The following MRPL27 variants were observed in gnomAD, a reference collection of about 807,000 sequenced individuals.
MRPL27 encodes mitochondrial ribosomal protein L27, also known as large ribosomal subunit protein bL27m.
Under a neutral mutation model 14.6 loss-of-function variants are expected in MRPL27, and 4 were observed. The ratio of observed to expected loss-of-function variants is 0.27; its 90% confidence interval spans 0.14 to 0.63. The LOEUF is 0.63. MRPL27 is among the 20% of genes least tolerant of loss of function. The pLI is 0.85. For missense variants in MRPL27, 196 were observed against 192.8 expected (o/e 1.02, Z -0.10); for synonymous variants, 82 against 75.5 (o/e 1.09, Z -0.45).
chr17:50,370,020 G>T lies in MRPL27; in HGVS notation c.240+12C>A. The T allele has an allele frequency of 6.2e-7, 1 of 1,613,848 alleles. No homozygotes were observed. Among genetic ancestry groups the T allele is most frequent in the East Asian group, 2.2e-5 (1 of 44,870 alleles). On this transcript the variant is annotated intron_variant, in intron 3 of 3. Transcript: ENST00000225969. Reference sequence around the variant, plus strand: ...GAAAAGGAAAAAGGGGGGCAGCAACGGAGCAACTCACATGGGCACCTGGGT... The same window carrying T: ...GAAAAGGAAAAAGGGGGGCAGCAACTGAGCAACTCACATGGGCACCTGGGT...
chr17:50,372,918 G>C (rs1598358498), intron 1 of MRPL27: 2 of 632,822 alleles, frequency 3.2e-6, no homozygotes, highest in Non-Finnish European at 5.4e-6. Flanking sequence ...TGAGGCAGGA[G>C]AAAGACAAGT....
chr17:50,371,974 C>CTCTG (rs1429137771), intron 1 of MRPL27, among the ~76,000 whole-genome samples: 2 of 152,198 alleles, frequency 1.3e-5, no homozygotes, highest in Non-Finnish European at 2.9e-5. Context: ...CTTTGCTGTC[C>CTCTG]TCACATATTG....
chr17:50,371,909 A>G (rs11868055), intron 1 of MRPL27, among the ~76,000 whole-genome samples: 78,088 of 151,992 alleles, frequency 0.51, 21,456 homozygotes, highest in African/African-American at 0.68. Flanking sequence ...AGTAAATGGT[A>G]CCACCATTCA....
chr17:50,370,240 T>A, intron 2 of MRPL27, 141 bp from the exon 3 acceptor site: 2 of 1,138,414 alleles, frequency 1.8e-6, no homozygotes, highest in Non-Finnish European at 2.5e-6. Context: ...CAGCGCAGGA[T>A]CTGCCACCCA....
At chr17:50,372,905 TGC>T in intron 1 of MRPL27, 1 of 605,208 alleles carries the variant, frequency 1.7e-6, no homozygotes. Context: ...CCGTCCGTGC[TGC>T]TGAGGCAGGA....
At chr17:50,368,787 G>A (rs1055079719) in intron 3 of MRPL27, 32 of 697,244 alleles carry the variant, frequency 4.6e-5, no homozygotes, top group Non-Finnish European at 7.8e-5. Context: ...TACTGCATTA[G>A]CTAATACCCA....
chr17:50,373,098 C>T (rs149938290), intron 1 of MRPL27, 33 bp downstream of exon 1: 9 of 1,613,836 alleles, frequency 5.6e-6, no homozygotes, highest in South Asian at 4.4e-5. Flanking sequence ...TGCCTCCCCG[C>T]CTCACCCCGC....
rs761887710 is a variant in MRPL27, at chr17:50,370,131, C to T, written c.173-32G>A. ...GAGAAGTCCACAGTGACTGGGGCAG[C>T]ATAGCAAACTACCAAGAAAACATGA... is the stretch of plus-strand genomic sequence containing the variant. On this transcript the variant is annotated intron_variant, in intron 2 of 3. Transcript: ENST00000225969. 3 of 1,578,472 alleles carry T rather than the reference C, an allele frequency of 1.9e-6. No individual in the cohort carries two copies. In the South Asian group the frequency reaches 3.4e-5, roughly 18 times the overall value.
intron 1 of MRPL27, among the ~76,000 whole-genome samples, chr17:50,371,476 G>A (rs1253953787): frequency 6.6e-6 from 1 of 152,200 alleles, no homozygotes; most frequent in Non-Finnish European, 1.5e-5. Flanking sequence ...GTGCTCAATA[G>A]CATTCATTTG....
At chr17:50,371,474 T>C (rs542747660) in intron 1 of MRPL27, among the ~76,000 whole-genome samples, 2 of 152,306 alleles carry the variant, frequency 1.3e-5, no homozygotes, top group African/African-American at 4.8e-5. Flanking sequence ...AAGTGCTCAA[T>C]AGCATTCATT....
chr17:50,369,021 A>G, intron 3 of MRPL27: 1 of 611,564 alleles, frequency 1.6e-6, no homozygotes, highest in Non-Finnish European at 2.9e-6. Flanking sequence ...CTCTCTGATT[A>G]AAAGAATGGG....
At chr17:50,372,832 T>C (rs1017454657) in intron 1 of MRPL27, 6 of 460,892 alleles carry the variant, frequency 1.3e-5, no homozygotes, top group Non-Finnish European at 1.9e-5. Context: ...AACCCCAATA[T>C]GCCAATGTTA....
At chr17:50,368,624 T>G in intron 3 of MRPL27, 1 of 592,268 alleles carries the variant, frequency 1.7e-6, no homozygotes, top group East Asian at 2.8e-5. Context: ...GCCCTAAATC[T>G]TCACTTAGAC....
intron 1 of MRPL27, 144 bp from the exon 2 acceptor site, chr17:50,370,730 C>T: frequency 8.9e-7 from 1 of 1,120,020 alleles, no homozygotes; most frequent in South Asian, 1.4e-5. Context: ...TGTATTAGTT[C>T]TCAGGGAATA....
chr17:50,369,223 T>C (rs1913052998), intron 3 of MRPL27: 2 of 234,720 alleles, frequency 8.5e-6, no homozygotes, highest in Non-Finnish European at 1.6e-5. Flanking sequence ...TAGCTCAAAA[T>C]GTGTTAGCTT....
intron 2 of MRPL27, 40 bp from the exon 3 acceptor site, chr17:50,370,139 A>G (rs1913086233): frequency 6.4e-7 from 1 of 1,565,750 alleles, no homozygotes; most frequent in African/African-American, 1.4e-5. Flanking sequence ...AGCATAGCAA[A>G]CTACCAAGAA....
chr17:50,368,617 C>T (rs1913033929), intron 3 of MRPL27: 1 of 592,580 alleles, frequency 1.7e-6, no homozygotes, highest in African/African-American at 1.9e-5. Flanking sequence ...GGAAGATGCC[C>T]TAAATCTTCA....
chr17:50,373,033 A>C, intron 1 of MRPL27, 98 bp downstream of exon 1: 1 of 1,541,202 alleles, frequency 6.5e-7, no homozygotes, highest in East Asian at 2.3e-5. Context: ...CTCGCATCCA[A>C]GGTCCTCCGC....
chr17:50,368,321 GCTGGTC>G, intron 3 of MRPL27, 23 bp from the exon 4 acceptor site: 1 of 482,800 alleles, frequency 2.1e-6, no homozygotes. Context: ...GACCTGGTCA[GCTGGTC>G]AGCTGGTCAG....
Sources: gnomAD v4.1 joint callset for allele counts (sites outside exome capture counted in the v4.1 genomes callset) on GRCh38, gnomAD v4.1.1 for gene constraint, MANE v1.5 for transcripts, NCBI Gene and HGNC (gene_info 2026-07-23, HGNC 2026-07-21) for gene names.